The following BRF1 variants were observed in gnomAD, a reference collection of about 807,000 sequenced individuals.
BRF1 encodes the protein transcription factor IIIB 90 kDa subunit.
BRF1 carries 59 observed loss-of-function variants against 81.7 expected under a neutral mutation model. That is an observed-to-expected ratio of 0.72 (90% CI 0.59 to 0.90). The LOEUF is 0.90. BRF1 is among the 40% of genes least tolerant of loss of function. BRF1 has a pLI of 0.00. For synonymous variants in BRF1, 491 were observed against 395.6 expected (o/e 1.24, Z -2.86); for missense variants, 1,050 against 936.3 (o/e 1.12, Z -1.58).
intron 1 of BRF1, among the ~76,000 whole-genome samples, chr14:105,307,467 G>C (rs1158113128): frequency 6.6e-6 from 1 of 152,004 alleles, no homozygotes; most frequent in Admixed American, 6.6e-5. Flanking sequence ...TCCCTGTCCT[G>C]ACTGGCCCTG....
intron 5 of BRF1, chr14:105,248,812 G>C (rs1407516649): frequency 1.0e-6 from 1 of 984,818 alleles, no homozygotes. Flanking sequence ...CGCGGCGCGA[G>C]GGCGCGGGGC....
chr14:105,313,392 A>G (rs1300381017), intron 1 of BRF1, among the ~76,000 whole-genome samples: 1 of 152,174 alleles, frequency 6.6e-6, no homozygotes, highest in African/African-American at 2.4e-5. Context: ...CTGCCCGCCG[A>G]GCAGCTGGCC....
chr14:105,216,930 C>T (rs587744382), intron 15 of BRF1, among the ~76,000 whole-genome samples: 2 of 152,336 alleles, frequency 1.3e-5, no homozygotes, highest in South Asian at 4.1e-4. Context: ...CCCCAAGACG[C>T]AGCAGGTGAG....
At chr14:105,253,544 C>T (rs911913142) in intron 4 of BRF1, among the ~76,000 whole-genome samples, 1 of 152,242 alleles carries the variant, frequency 6.6e-6, no homozygotes, top group Non-Finnish European at 1.5e-5. Context: ...CTTCCAGGTG[C>T]TTGCTGACTC....
At chr14:105,225,957 T>C (rs1005672663) in intron 10 of BRF1, 112 bp downstream of exon 10, 2 of 1,127,574 alleles carry the variant, frequency 1.8e-6, no homozygotes, top group Admixed American at 2.4e-5. Context: ...TAAACTTACA[T>C]TCTGTAGATA....
Position 105,309,263 on chromosome 14 carries a change from T to C in BRF1, c.-162+6059A>G, listed in dbSNP as rs148672086. Among the ~76,000 whole-genome samples the C allele has an allele frequency of 1.7e-3, 254 of 152,356 alleles. 1 individual carries two copies. Among genetic ancestry groups the C allele is most frequent in the African/African-American group, 5.8e-3 (240 of 41,588 alleles). On this transcript the variant is annotated intron_variant, in intron 1 of 17. Transcript: ENST00000327359. The surrounding 1 kb of genome is among the most constrained non-coding windows in gnomAD (Gnocchi z 4.0). ...TCCCTCTTAATCTTGGGGCTCAGGA[T>C]AACCACAGTCAAGAGGGGAGAGTTT... is the stretch of plus-strand genomic sequence containing the variant.
chr14:105,270,465 A>G (rs587698360), intron 3 of BRF1, among the ~76,000 whole-genome samples: 261 of 151,186 alleles, frequency 1.7e-3, no homozygotes, highest in African/African-American at 6.0e-3. Context: ...GTGAGCCACC[A>G]TGCCCAGCCC....
At chr14:105,223,496 A>G (rs1347135193) in intron 10 of BRF1, among the ~76,000 whole-genome samples, 4 of 95,000 alleles carry the variant, frequency 4.2e-5, no homozygotes, top group African/African-American at 1.6e-4. Flanking sequence ...ACAAATGAGC[A>G]AACCATTGAT....
At chr14:105,307,656 GCCTTCTCA>G (rs1174015447) in intron 1 of BRF1, among the ~76,000 whole-genome samples, 1 of 152,204 alleles carries the variant, frequency 6.6e-6, no homozygotes, top group African/African-American at 2.4e-5. Flanking sequence ...AGCTTCTATG[GCCTTCTCA>G]CCTTCTCACC....
At chr14:105,217,397 A>ACCAGT (rs1436136365) in intron 15 of BRF1, 147 bp downstream of exon 15, 1 of 1,297,294 alleles carries the variant, frequency 7.7e-7, no homozygotes, top group Non-Finnish European at 1.1e-6. Context: ...GAGAAGGCCC[A>ACCAGT]CCAGTCCCCA....
chr14:105,211,964 T>C, intron 16 of BRF1, 149 bp downstream of exon 16: 3 of 1,226,716 alleles, frequency 2.4e-6, no homozygotes, highest in Non-Finnish European at 3.4e-6. Flanking sequence ...GCCTCGATTC[T>C]CTGGCCATGC....
intron 1 of BRF1, among the ~76,000 whole-genome samples, chr14:105,297,560 A>C (rs1405287306): frequency 2.6e-5 from 4 of 151,810 alleles, no homozygotes; most frequent in Non-Finnish European, 1.5e-5. Flanking sequence ...ACAGGGTGAG[A>C]CTCTGTCTCA....
rs375338177 is a variant in BRF1, at chr14:105,255,187, C to T, written c.471+1331G>A. Among the ~76,000 whole-genome samples the T allele has an allele frequency of 7.2e-5, 11 of 152,372 alleles. No individual in the cohort carries two copies. In the East Asian group the frequency reaches 2.1e-3, roughly 29 times the overall value. ...ACCACTTCCGGAGCAGCTGCCCTGG[C>T]CCTGGCCCTCATACTCATCTTCCCT... On this transcript the variant is annotated intron_variant, in intron 4 of 17. Transcript: ENST00000547530.
At chr14:105,273,196 G>A (rs1418122509) in intron 2 of BRF1, among the ~76,000 whole-genome samples, 1 of 152,192 alleles carries the variant, frequency 6.6e-6, no homozygotes, top group East Asian at 1.9e-4. Context: ...GGCGTGTCTG[G>A]CAAGGGCTTG....
upstream of BRF1, among the ~76,000 whole-genome samples, chr14:105,302,665 A>G (rs2058076110): frequency 6.6e-6 from 1 of 152,108 alleles, no homozygotes; most frequent in Non-Finnish European, 1.5e-5. Flanking sequence ...GCCTCACTGC[A>G]GACTCTACCT....
At chr14:105,221,040 G>A (rs1041232002) in intron 11 of BRF1, among the ~76,000 whole-genome samples, 58 of 152,226 alleles carry the variant, frequency 3.8e-4, no homozygotes, top group African/African-American at 1.3e-3. Flanking sequence ...ACATTCGCCT[G>A]GCTCCTCACA....
chr14:105,215,581 CAG>C (rs1232290048), intron 15 of BRF1, among the ~76,000 whole-genome samples: 3 of 150,992 alleles, frequency 2.0e-5, no homozygotes, highest in Non-Finnish European at 3.0e-5. Context: ...TGCAGGCACA[CAG>C]ACACAGGCGC....
At chr14:105,252,285 A>G (rs2055658628) in intron 5 of BRF1, 1 of 779,912 alleles carries the variant, frequency 1.3e-6, no homozygotes, top group African/African-American at 1.9e-5. Context: ...GGCTGCAGTG[A>G]GCTACGATTG....
At chr14:105,244,882 G>T (rs1056922077) in intron 5 of BRF1, among the ~76,000 whole-genome samples, 1 of 150,942 alleles carries the variant, frequency 6.6e-6, no homozygotes, top group Non-Finnish European at 1.5e-5. Context: ...AGGTATGATA[G>T]AACAAAGAAA....
Sources: allele counts gnomAD v4.1 joint callset (sites outside exome capture counted in the v4.1 genomes callset), GRCh38; gene constraint gnomAD v4.1.1; non-coding constraint Gnocchi (gnomAD v3.1); transcripts MANE v1.5; gene names NCBI Gene and HGNC (gene_info 2026-07-23, HGNC 2026-07-21).